The following METTL15 variants were observed in gnomAD, a reference collection of about 807,000 sequenced individuals.
METTL15 encodes the protein 12S rRNA N(4)-cytidine methyltransferase METTL15.
METTL15 carries 34 observed loss-of-function variants against 38.3 expected under a neutral mutation model. The ratio of observed to expected loss-of-function variants is 0.89; its 90% CI spans 0.68 to 1.18. The LOEUF (loss-of-function observed/expected upper bound fraction) is 1.18. Among genes scored for constraint, METTL15 ranks in the 50% most tolerant of loss-of-function variants. The probability of loss-of-function intolerance (pLI) is 0.00; values close to 1 mark genes in which losing one functional copy is unlikely to be tolerated. For synonymous variants in METTL15, 162 were observed against 170.9 expected (o/e 0.95, Z 0.41); for missense variants, 438 against 498.4 (o/e 0.88, Z 1.15).
chr11:28,213,222 A>C (rs1852714830), intron 4 of METTL15, among the ~76,000 whole-genome samples: 1 of 152,212 alleles, frequency 6.6e-6, no homozygotes, highest in Non-Finnish European at 1.5e-5. Flanking sequence ...GAAACAAATC[A>C]GAGTAAGCCA....
intron 6 of METTL15, among the ~76,000 whole-genome samples, chr11:28,446,447 C>T (rs879581324): frequency 8.5e-5 from 13 of 152,180 alleles, no homozygotes; most frequent in South Asian, 4.1e-4. Flanking sequence ...TCCTGGTTTC[C>T]GGAAGGGCTG....
chr11:28,274,596 AT>A (rs1346246727), intron 4 of METTL15, among the ~76,000 whole-genome samples: 1 of 152,064 alleles, frequency 6.6e-6, no homozygotes, highest in Non-Finnish European at 1.5e-5. Context: ...AAAAATGTTC[AT>A]TAATTTTAAA....
chr11:28,373,190 C>T (rs954966876), intron 5 of METTL15, among the ~76,000 whole-genome samples: 30 of 152,138 alleles, frequency 2.0e-4, no homozygotes, highest in Non-Finnish European at 2.8e-4. Flanking sequence ...CCTGAGGAAT[C>T]GCCACACTGA....
At chr11:28,394,485 G>C (rs190288623) in intron 5 of METTL15, among the ~76,000 whole-genome samples, 9 of 151,998 alleles carry the variant, frequency 5.9e-5, no homozygotes, top group African/African-American at 2.2e-4. Flanking sequence ...TCACAAGGAG[G>C]GGGGTGGAAG....
At chr11:28,342,873 C>T (rs1332841824) in intron 3 of METTL15, among the ~76,000 whole-genome samples, 1 of 152,162 alleles carries the variant, frequency 6.6e-6, no homozygotes, top group African/African-American at 2.4e-5. Context: ...ATATCTTTGT[C>T]GTTAGCCCTA....
At chr11:28,126,369 C>G (rs1852486936) in intron 3 of METTL15, among the ~76,000 whole-genome samples, 1 of 152,028 alleles carries the variant, frequency 6.6e-6, no homozygotes, top group Admixed American at 6.6e-5. Flanking sequence ...CCCCCAACTC[C>G]CTTCTCTACC....
chr11:28,355,801 G>A (rs1850085507), intron 4 of METTL15, among the ~76,000 whole-genome samples: 1 of 152,118 alleles, frequency 6.6e-6, no homozygotes, highest in African/African-American at 2.4e-5. Flanking sequence ...GCATACCAAG[G>A]GACAACTGTA....
At chr11:28,113,257 C>G (rs1851791492) in intron 2 of METTL15, 61 bp from the exon 3 acceptor site, 2 of 1,148,470 alleles carry the variant, frequency 1.7e-6, no homozygotes, top group Non-Finnish European at 2.5e-6. Context: ...TTGATTTTCC[C>G]CAAGTATTAG....
intron 6 of METTL15, among the ~76,000 whole-genome samples, chr11:28,478,396 A>G (rs1054098621): frequency 1.3e-5 from 2 of 152,196 alleles, no homozygotes; most frequent in Admixed American, 6.5e-5. Context: ...TTTTCACCCC[A>G]TCACTCAGAT....
intron 4 of METTL15, among the ~76,000 whole-genome samples, chr11:28,246,565 G>C (rs1017418400): frequency 6.6e-6 from 1 of 152,144 alleles, no homozygotes; most frequent in Non-Finnish European, 1.5e-5. Flanking sequence ...AAAGTGCCTA[G>C]CAGGTAATAA....
chr11:28,237,451 A>T (rs1017462180), intron 4 of METTL15, among the ~76,000 whole-genome samples: 9 of 152,132 alleles, frequency 5.9e-5, no homozygotes, highest in African/African-American at 2.2e-4. Flanking sequence ...TTTCAGCTCC[A>T]TCAGCTCCTT....
At chr11:28,380,837 A>T (rs1850375400) in intron 5 of METTL15, among the ~76,000 whole-genome samples, 1 of 4,914 alleles carries the variant, frequency 2.0e-4, no homozygotes, top group Non-Finnish European at 6.4e-4. Context: ...ATTAGATGAG[A>T]GTTTTTTTTT....
intron 6 of METTL15, among the ~76,000 whole-genome samples, chr11:28,479,057 TTGTGTGTGTGTGTG>T (rs71050961): frequency 2.2e-4 from 32 of 146,722 alleles, no homozygotes; most frequent in Middle Eastern, 6.5e-3. Flanking sequence ...TTATTTCTCT[TTGTGTGTGTGTGTG>T]TGTGTGTGTG....
intron 6 of METTL15, among the ~76,000 whole-genome samples, chr11:28,462,946 A>C (rs1320369283): frequency 6.6e-6 from 1 of 152,112 alleles, no homozygotes; most frequent in South Asian, 2.1e-4. Flanking sequence ...AGAATCAACA[A>C]GACTTCATGG....
chr11:28,196,652 T>C (rs985970356), intron 3 of METTL15, among the ~76,000 whole-genome samples: 38 of 151,952 alleles, frequency 2.5e-4, no homozygotes, highest in African/African-American at 8.4e-4. Context: ...AACAAATAGT[T>C]TGATTCCCTC....
At chr11:28,379,559 T>C (rs538576843) in intron 5 of METTL15, among the ~76,000 whole-genome samples, 115 of 152,330 alleles carry the variant, frequency 7.5e-4, no homozygotes, top group Non-Finnish European at 6.3e-4. Context: ...TATTCCATTG[T>C]TATCAGAAAA....
intron 6 of METTL15, among the ~76,000 whole-genome samples, chr11:28,454,635 C>T (rs919065462): frequency 2.0e-5 from 3 of 152,184 alleles, no homozygotes; most frequent in Non-Finnish European, 2.9e-5. Context: ...TACTTAGAAC[C>T]TCTCTTGGTT....
chr11:28,380,737 T>C (rs1850373942), intron 5 of METTL15, among the ~76,000 whole-genome samples: 1 of 152,174 alleles, frequency 6.6e-6, no homozygotes, highest in African/African-American at 2.4e-5. Context: ...ATATCTTAGA[T>C]TAAAAAGAAT....
intron 4 of METTL15, among the ~76,000 whole-genome samples, chr11:28,247,477 A>G (rs979034348): frequency 6.6e-6 from 1 of 152,144 alleles, no homozygotes. Flanking sequence ...TCTTTCTGAA[A>G]AATGGAGGCA....
Sources: allele counts gnomAD v4.1 joint callset (sites outside exome capture counted in the v4.1 genomes callset), GRCh38; gene constraint gnomAD v4.1.1; transcripts MANE v1.5; gene names NCBI Gene and HGNC (gene_info 2026-07-23, HGNC 2026-07-21).